The following FHOD3 variants were observed in gnomAD, a reference collection of about 807,000 sequenced individuals.
FHOD3 encodes the protein formin homology 2 domain containing 3.
A neutral mutation model predicts 173.0 loss-of-function variants in FHOD3; 90 were observed. The observed-to-expected ratio is 0.52, with a 90% CI of 0.44 to 0.62. FHOD3 has a LOEUF of 0.62. Ranked by LOEUF, FHOD3 falls within the 20% of genes least tolerant of loss-of-function variation. The pLI, the probability that FHOD3 is intolerant of heterozygous loss-of-function variation, is 0.00. For missense variants in FHOD3, 1,945 were observed against 2,034.7 expected, an observed-to-expected ratio of 0.96 and a Z score of 0.85; for synonymous variants, 828 against 823.0, an observed-to-expected ratio of 1.01 and a Z score of -0.10.
chr18:36,599,573 AG>A (rs1257299404), intron 7 of FHOD3, among the ~76,000 whole-genome samples: 1 of 152,206 alleles, frequency 6.6e-6, no homozygotes, highest in East Asian at 1.9e-4. Context: ...ACATGCTGTG[AG>A]GAGCTTCTGT....
intron 7 of FHOD3, among the ~76,000 whole-genome samples, chr18:36,595,836 T>G (rs889242754): frequency 5.9e-5 from 9 of 152,224 alleles, no homozygotes; most frequent in African/African-American, 2.2e-4. Context: ...CCAGTAGGAC[T>G]CAGGTATTAT....
chr18:36,518,566 A>C (rs925112372), intron 5 of FHOD3, among the ~76,000 whole-genome samples: 3 of 152,212 alleles, frequency 2.0e-5, no homozygotes, highest in African/African-American at 7.2e-5. Context: ...GCAGACTGGC[A>C]GCCTGTGGGG....
chr18:36,446,204 C>T (rs930529107), intron 3 of FHOD3, among the ~76,000 whole-genome samples: 9 of 152,298 alleles, frequency 5.9e-5, no homozygotes, highest in East Asian at 1.9e-4. Context: ...TGGTCCTCCA[C>T]GGCTGGCGCT....
chr18:36,490,451 TG>T (rs1320907326), intron 3 of FHOD3, among the ~76,000 whole-genome samples: 1 of 152,102 alleles, frequency 6.6e-6, no homozygotes, highest in Non-Finnish European at 1.5e-5. Context: ...ATGGGGCCAG[TG>T]GGTCCCAAGG....
chr18:36,618,393 A>G (rs1385156213), intron 9 of FHOD3, among the ~76,000 whole-genome samples: 1 of 138,564 alleles, frequency 7.2e-6, no homozygotes, highest in Non-Finnish European at 1.5e-5. Flanking sequence ...GCTCACCACA[A>G]CCTCCGCCTC....
chr18:36,559,518 A>G (rs888158453), intron 5 of FHOD3, among the ~76,000 whole-genome samples: 2 of 152,212 alleles, frequency 1.3e-5, no homozygotes, highest in South Asian at 2.1e-4. Flanking sequence ...GCCCCCACCA[A>G]TACTACTTCT....
chr18:36,640,038 A>G (rs548694258), intron 10 of FHOD3, among the ~76,000 whole-genome samples: 2 of 152,322 alleles, frequency 1.3e-5, no homozygotes, highest in African/African-American at 4.8e-5. Context: ...TGACCCTTTA[A>G]TATTTATTTG....
At chr18:36,613,325 G>A (rs748345736) in intron 9 of FHOD3, among the ~76,000 whole-genome samples, 3 of 152,204 alleles carry the variant, frequency 2.0e-5, no homozygotes, top group Non-Finnish European at 4.4e-5. Flanking sequence ...CTACATATCA[G>A]GGCTTCGGAC....
chr18:36,322,999 C>T (rs984940338), intron 1 of FHOD3, among the ~76,000 whole-genome samples: 6 of 152,190 alleles, frequency 3.9e-5, no homozygotes, highest in Non-Finnish European at 7.3e-5. Flanking sequence ...AGCATAACAG[C>T]TCAAAAATGG....
At chr18:36,367,907 C>T (rs182386668) in intron 2 of FHOD3, among the ~76,000 whole-genome samples, 4 of 151,922 alleles carry the variant, frequency 2.6e-5, no homozygotes, top group Admixed American at 6.6e-5. Context: ...AGTCACCCCC[C>T]CATCCCTCCC....
intron 1 of FHOD3, among the ~76,000 whole-genome samples, chr18:36,341,682 AG>A (rs1407051344): frequency 6.6e-6 from 1 of 152,198 alleles, no homozygotes; most frequent in Non-Finnish European, 1.5e-5. Flanking sequence ...TATTGAAATA[AG>A]GGCTAACCAC....
chr18:36,584,642 T>G (rs1160136146), intron 6 of FHOD3, among the ~76,000 whole-genome samples: 1 of 152,154 alleles, frequency 6.6e-6, no homozygotes, highest in East Asian at 1.9e-4. Flanking sequence ...AGTTAATGAT[T>G]ACAGATTAAA....
At chr18:36,691,226 G>A (rs2038942954) in intron 16 of FHOD3, among the ~76,000 whole-genome samples, 1 of 152,142 alleles carries the variant, frequency 6.6e-6, no homozygotes, top group South Asian at 2.1e-4. Context: ...CAAGTGGGAT[G>A]TCCTCCTGGC....
intron 9 of FHOD3, among the ~76,000 whole-genome samples, chr18:36,617,610 T>TGTGTGTGCGCGC (rs1555783665): frequency 6.8e-6 from 1 of 146,006 alleles, no homozygotes; most frequent in South Asian, 2.2e-4. Flanking sequence ...TGTGTGTGTG[T>TGTGTGTGCGCGC]GTGTGTGTGC....
intron 3 of FHOD3, among the ~76,000 whole-genome samples, chr18:36,489,187 C>T (rs988005512): frequency 2.0e-5 from 3 of 152,166 alleles, no homozygotes; most frequent in African/African-American, 7.2e-5. Context: ...GGATGGTTTC[C>T]TGTGGATGCT....
chr18:36,698,850 G>A (rs978500957), intron 17 of FHOD3, among the ~76,000 whole-genome samples: 3 of 152,316 alleles, frequency 2.0e-5, no homozygotes, highest in African/African-American at 7.2e-5. Flanking sequence ...TTCCCACAGG[G>A]TGATGTGAAT....
At chr18:36,566,294 A>G (rs1281946290) in intron 5 of FHOD3, among the ~76,000 whole-genome samples, 2 of 152,216 alleles carry the variant, frequency 1.3e-5, no homozygotes, top group East Asian at 3.8e-4. Context: ...TCTCTAAGAA[A>G]ACATTTTTAA....
chr18:36,661,467 G>A (rs1474077111), intron 14 of FHOD3, among the ~76,000 whole-genome samples: 1 of 152,150 alleles, frequency 6.6e-6, no homozygotes, highest in Admixed American at 6.5e-5. Context: ...CAATGAGGAT[G>A]CGCGTCTTCT....
At chr18:36,371,165 C>T (rs1361015398) in intron 2 of FHOD3, among the ~76,000 whole-genome samples, 2 of 152,150 alleles carry the variant, frequency 1.3e-5, no homozygotes, top group Non-Finnish European at 2.9e-5. Context: ...TGAGGGGACT[C>T]TGAATGCAGA....
Sources: allele counts gnomAD v4.1 joint callset (sites outside exome capture counted in the v4.1 genomes callset), GRCh38; gene constraint gnomAD v4.1.1; transcripts MANE v1.5; gene names NCBI Gene and HGNC (gene_info 2026-07-23, HGNC 2026-07-21).